SGCZ: variants seen among roughly 807,000 people sequenced by gnomAD.
SGCZ encodes zeta-sarcoglycan.
A neutral mutation model predicts 41.3 loss-of-function variants in SGCZ; 40 were observed. The ratio of observed to expected loss-of-function variants is 0.97; its 90% CI spans 0.75 to 1.26. The LOEUF is 1.26. SGCZ is among the 50% of genes most tolerant of loss of function. The pLI is 0.00. For missense variants in SGCZ, 552 were observed against 369.8 expected (o/e 1.49, Z -4.04); for synonymous variants, 206 against 137.5 (o/e 1.50, Z -3.49).
chr8:14,865,588 G>C (rs772084681), intron 1 of SGCZ, among the ~76,000 whole-genome samples: 1 of 152,046 alleles, frequency 6.6e-6, no homozygotes, highest in South Asian at 2.1e-4. Flanking sequence ...CATTCTCCAC[G>C]AATTAACCCA....
chr8:14,649,367 T>A (rs140438868), intron 1 of SGCZ, among the ~76,000 whole-genome samples: 2 of 152,214 alleles, frequency 1.3e-5, no homozygotes, highest in East Asian at 3.9e-4. Context: ...CAGATAATAT[T>A]GCTTCCCTAA....
chr8:14,802,202 C>G (rs886772749), intron 1 of SGCZ, among the ~76,000 whole-genome samples: 10 of 152,268 alleles, frequency 6.6e-5, no homozygotes, highest in African/African-American at 2.4e-4. Flanking sequence ...GCTACCTACA[C>G]CCTCCTCCTA....
At chr8:14,587,870 G>A (rs1805111868) in intron 1 of SGCZ, among the ~76,000 whole-genome samples, 1 of 152,072 alleles carries the variant, frequency 6.6e-6, no homozygotes. Flanking sequence ...CAAATGCATT[G>A]TATTATAAAC....
chr8:14,214,273 T>A (rs1805916433), intron 4 of SGCZ, among the ~76,000 whole-genome samples: 1 of 152,060 alleles, frequency 6.6e-6, no homozygotes, highest in Admixed American at 6.6e-5. Context: ...ACTGTCAAGG[T>A]CATCAAAATC....
intron 1 of SGCZ, among the ~76,000 whole-genome samples, chr8:15,115,624 C>T (rs1056638386): frequency 6.6e-6 from 1 of 152,170 alleles, no homozygotes; most frequent in Non-Finnish European, 1.5e-5. Context: ...GAGATACATG[C>T]AACGGTTATC....
chr8:14,296,982 C>T (rs1801033508), intron 3 of SGCZ, among the ~76,000 whole-genome samples: 1 of 152,052 alleles, frequency 6.6e-6, no homozygotes, highest in South Asian at 2.1e-4. Context: ...AATGCAATGG[C>T]ATGATCTCAG....
chr8:14,288,185 T>G (rs1054264673), intron 3 of SGCZ, among the ~76,000 whole-genome samples: 1 of 152,116 alleles, frequency 6.6e-6, no homozygotes, highest in Non-Finnish European at 1.5e-5. Flanking sequence ...TGGAATACTC[T>G]TACTTTTTCA....
At chr8:15,037,806 A>G (rs1442234369) in intron 1 of SGCZ, among the ~76,000 whole-genome samples, 3 of 152,204 alleles carry the variant, frequency 2.0e-5, no homozygotes, top group African/African-American at 7.2e-5. Context: ...CAACATATCA[A>G]TGTCAGTAGT....
intron 1 of SGCZ, among the ~76,000 whole-genome samples, chr8:14,960,106 A>C (rs1036470073): frequency 6.6e-6 from 1 of 152,228 alleles, no homozygotes; most frequent in African/African-American, 2.4e-5. Context: ...GGAAAATGAA[A>C]ACATAATAAA....
At chr8:14,323,297 T>A (rs73209873) in intron 3 of SGCZ, among the ~76,000 whole-genome samples, 75 of 151,866 alleles carry the variant, frequency 4.9e-4, no homozygotes, top group Non-Finnish European at 8.2e-4. Flanking sequence ...ATTAAAACAT[T>A]ATTTTAGCCT....
chr8:14,309,484 T>C, intron 3 of SGCZ: 2 of 1,607,930 alleles, frequency 1.2e-6, no homozygotes, highest in South Asian at 2.2e-5. Context: ...CTGTTGTTAA[T>C]GTTAGAGCTA....
chr8:15,021,851 A>G (rs7830454), intron 1 of SGCZ, among the ~76,000 whole-genome samples: 98,965 of 152,124 alleles, frequency 0.65, 33,058 homozygotes, highest in East Asian at 0.83. Flanking sequence ...ATACACCTTG[A>G]CCACCTCCTG....
rs143642360 is a variant in SGCZ, at chr8:14,856,733, C to T, written c.40-301807G>A. Reference sequence around the variant, plus strand: ...TAGGCAGCAGTATGTTTAAAAGCTCCCTAGGTAATTCTGAAATAGCCAGGT... The same window carrying T: ...TAGGCAGCAGTATGTTTAAAAGCTCTCTAGGTAATTCTGAAATAGCCAGGT... On this transcript the variant is annotated intron_variant, in intron 1 of 7. Transcript: ENST00000382080. Among the ~76,000 whole-genome samples the T allele has an allele frequency of 4.1e-3, 623 of 152,220 alleles. 4 individuals are homozygous for T. The highest frequency in any genetic ancestry group is 0.018 in the South Asian group (87 of 4,822).
rs985994002 is a variant in SGCZ, at chr8:14,816,242, G to A, written c.40-261316C>T. On this transcript the variant is annotated intron_variant, in intron 1 of 7. Coordinates refer to ENST00000382080, the MANE Select transcript of SGCZ (RefSeq NM_139167.4). ...ACTACACACGTGTGAGTGGTTATTCGTTTGAGCAGCACAGTTCTACAGCTC... is the reference window on the plus strand; with the variant it reads ...ACTACACACGTGTGAGTGGTTATTCATTTGAGCAGCACAGTTCTACAGCTC... Among the ~76,000 whole-genome samples, 24 of 152,164 alleles carry A rather than the reference G, an allele frequency of 1.6e-4. 1 individual carries two copies. The highest frequency in any genetic ancestry group is 3.9e-4 in the Admixed American group (6 of 15,272).
At chr8:14,500,375 T>C (rs866282334) in intron 2 of SGCZ, among the ~76,000 whole-genome samples, 3 of 151,652 alleles carry the variant, frequency 2.0e-5, no homozygotes, top group Middle Eastern at 6.8e-3. Context: ...GCAGAGCAAA[T>C]AAGCAACAAG....
chr8:14,436,026 GTAT>G (rs1800080836), intron 2 of SGCZ, among the ~76,000 whole-genome samples: 1 of 152,200 alleles, frequency 6.6e-6, no homozygotes, highest in Non-Finnish European at 1.5e-5. Context: ...TACTAAGCAG[GTAT>G]TATTTCTCCT....
chr8:14,520,627 G>A (rs541123567), intron 2 of SGCZ, among the ~76,000 whole-genome samples: 17 of 152,098 alleles, frequency 1.1e-4, no homozygotes, highest in Admixed American at 2.6e-4. Flanking sequence ...ATGAAGCAGG[G>A]ATAAGGGCAC....
intron 2 of SGCZ, among the ~76,000 whole-genome samples, chr8:14,511,176 T>C (rs1802456855): frequency 6.6e-6 from 1 of 151,448 alleles, no homozygotes; most frequent in Non-Finnish European, 1.5e-5. Context: ...ATGGGCTCTA[T>C]CTGCTTGACT....
At position 14,458,088 on chromosome 8, in the gene SGCZ, C is replaced by A. The variant is rs1800801342; in HGVS notation, c.234+96644G>T. 1.3e-5 allele frequency among the ~76,000 whole-genome samples: 2 copies of A among 152,212 alleles called. 1 individual carries two copies. Among genetic ancestry groups the A allele is most frequent in the South Asian group, 4.1e-4 (2 of 4,826 alleles). On this transcript the variant is annotated intron_variant, in intron 2 of 7. Transcript: ENST00000382080. Reference sequence around the variant, plus strand: ...CCCAGTCTCAGGCATTTCTTTCTAGCAATGTGAGAAAAGACTAGTACAATG... The same window carrying A: ...CCCAGTCTCAGGCATTTCTTTCTAGAAATGTGAGAAAAGACTAGTACAATG...
Sources: allele counts gnomAD v4.1 joint callset (sites outside exome capture counted in the v4.1 genomes callset), GRCh38; gene constraint gnomAD v4.1.1; transcripts MANE v1.5; gene names NCBI Gene and HGNC (gene_info 2026-07-23, HGNC 2026-07-21).